Variants in NCKAP5 observed in about 807,000 individuals in gnomAD.
NCKAP5 encodes the protein nck-associated protein 5.
Under a neutral mutation model 167.0 loss-of-function variants are expected in NCKAP5, and 92 were observed. That is an observed-to-expected ratio of 0.55 (90% confidence interval 0.47 to 0.66). The LOEUF (loss-of-function observed/expected upper bound fraction) is 0.66, where lower values mean the gene tolerates loss of function less well. NCKAP5 is among the 30% of genes least tolerant of loss of function. The pLI is 0.00. For synonymous variants in NCKAP5, 891 were observed against 877.4 expected (o/e 1.02, Z -0.27); for missense variants, 2,378 against 2,315.0 (o/e 1.03, Z -0.56).
chr2:132,716,078 A>C (rs1689344683), intron 19 of NCKAP5, among the ~76,000 whole-genome samples: 1 of 152,120 alleles, frequency 6.6e-6, no homozygotes, highest in African/African-American at 2.4e-5. Context: ...TCCCTCTCTG[A>C]GCTGTGACAA....
chr2:133,022,952 G>T (rs1281766752), intron 6 of NCKAP5, among the ~76,000 whole-genome samples: 1 of 152,194 alleles, frequency 6.6e-6, no homozygotes, highest in South Asian at 2.1e-4. Context: ...GGCCCATGTG[G>T]CATTGAACTA....
intron 16 of NCKAP5, among the ~76,000 whole-genome samples, chr2:132,769,487 C>A (rs67540832): frequency 2.0e-5 from 3 of 151,798 alleles, no homozygotes; most frequent in African/African-American, 7.3e-5. Context: ...TTAGGTTAGA[C>A]AACATGAAGA....
chr2:132,784,148 G>C lies in NCKAP5; in HGVS notation c.2663C>G (p.Pro888Arg), dbSNP rs754193473. Residue 888 changes from proline to arginine, a missense_variant, in exon 14 of 20, where the codon CCC becomes CGC. Coordinates refer to ENST00000409261, the MANE Select transcript of NCKAP5 (RefSeq NM_207363.3). ...MPSRRDWVQC[P>R]KSQTPGSRSR... ...CCGTGACCCTGGAGTCTGACTCTTG[G>C]GGCACTGGACCCAGTCCCTCCTGCT... The C allele has an allele frequency of 2.0e-6, 3 of 1,526,794 alleles. No individual in the cohort carries two copies. 94.6% of individuals were successfully genotyped at this position (1,526,794 alleles called of 1,614,324 possible). A position where few individuals can be genotyped will look rare whatever the true frequency, so the allele number is the denominator to read the frequency against.
At chr2:133,030,383 A>C (rs978628599) in intron 6 of NCKAP5, among the ~76,000 whole-genome samples, 1 of 152,180 alleles carries the variant, frequency 6.6e-6, no homozygotes, top group Admixed American at 6.5e-5. Flanking sequence ...GTTTGTCTCT[A>C]TCTGACCACG....
At chr2:133,394,422 G>T (rs1378623774) in intron 3 of NCKAP5, among the ~76,000 whole-genome samples, 1 of 152,168 alleles carries the variant, frequency 6.6e-6, no homozygotes, top group East Asian at 1.9e-4. Context: ...AGCTAAGAAT[G>T]GAGGCACATC....
At chr2:133,026,589 G>A (rs1163082312) in intron 6 of NCKAP5, among the ~76,000 whole-genome samples, 1 of 152,174 alleles carries the variant, frequency 6.6e-6, no homozygotes, top group Admixed American at 6.5e-5. Context: ...GAAAAGATGT[G>A]ACCTTCATTT....
intron 6 of NCKAP5, among the ~76,000 whole-genome samples, chr2:133,055,223 A>G (rs995292471): frequency 1.3e-5 from 2 of 152,170 alleles, no homozygotes; most frequent in South Asian, 2.1e-4. Flanking sequence ...TCAGCCAAAA[A>G]GGAAATCTGA....
At chr2:132,712,433 T>C (rs191365103) in intron 19 of NCKAP5, among the ~76,000 whole-genome samples, 1,738 of 152,176 alleles carry the variant, frequency 0.011, 11 homozygotes, top group Non-Finnish European at 0.017. Flanking sequence ...GGGCGGATCA[T>C]GAGGTCAGGA....
At chr2:132,974,571 A>T (rs2076922910) in intron 7 of NCKAP5, among the ~76,000 whole-genome samples, 1 of 152,198 alleles carries the variant, frequency 6.6e-6, no homozygotes. Flanking sequence ...GCCAGAATTT[A>T]AATACAGTTC....
At chr2:133,474,776 T>A (rs1352071130) in intron 3 of NCKAP5, among the ~76,000 whole-genome samples, 1 of 151,406 alleles carries the variant, frequency 6.6e-6, no homozygotes, top group African/African-American at 2.4e-5. Context: ...TTTGGAATTT[T>A]TCAATAGAAG....
At chr2:132,799,740 A>T (rs1257122348) in intron 11 of NCKAP5, among the ~76,000 whole-genome samples, 2 of 152,196 alleles carry the variant, frequency 1.3e-5, no homozygotes, top group Non-Finnish European at 2.9e-5. Context: ...TTTTAAAAAA[A>T]TAATTTAAAC....
In NCKAP5 at chr2:133,014,152, T is replaced by C. The variant is rs767360679; in HGVS notation, c.342-19913A>G. Among the ~76,000 whole-genome samples the C allele has an allele frequency of 7.2e-4, 110 of 152,210 alleles. 1 individual carries two copies. Among genetic ancestry groups the C allele is most frequent in the Non-Finnish European group, 1.5e-4 (10 of 68,036 alleles). On this transcript the variant is annotated intron_variant, in intron 6 of 19. Coordinates refer to ENST00000409261, the MANE Select transcript of NCKAP5 (RefSeq NM_207363.3). ...TGAAAACCTTCCATGGACCCATCCT[T>C]ACTGTCCGCAAGACAAAGACTGAAC...
intron 7 of NCKAP5, among the ~76,000 whole-genome samples, chr2:132,993,938 C>T (rs2077517599): frequency 6.6e-6 from 1 of 150,516 alleles, no homozygotes; most frequent in Non-Finnish European, 1.5e-5. Flanking sequence ...CTTCTAGAAT[C>T]AAATCTACAC....
At chr2:132,780,402 A>G (rs202046639) in intron 15 of NCKAP5, among the ~76,000 whole-genome samples, 2 of 152,144 alleles carry the variant, frequency 1.3e-5, no homozygotes, top group East Asian at 1.9e-4. Context: ...CGCCCGCCTC[A>G]GCCTCCCAAA....
At chr2:132,878,321 C>T (rs1007236930) in intron 9 of NCKAP5, among the ~76,000 whole-genome samples, 1 of 152,184 alleles carries the variant, frequency 6.6e-6, no homozygotes. Context: ...TTTTCTTCCT[C>T]ATTTCTCTTT....
intron 6 of NCKAP5, among the ~76,000 whole-genome samples, chr2:133,092,880 G>C (rs1413549878): frequency 6.6e-6 from 1 of 152,168 alleles, no homozygotes. Context: ...GAGGAATATA[G>C]GGGTTCAATT....
At chr2:133,144,333 A>G (rs1326626955) in intron 5 of NCKAP5, among the ~76,000 whole-genome samples, 2 of 152,080 alleles carry the variant, frequency 1.3e-5, no homozygotes, top group African/African-American at 4.8e-5. Context: ...CAAAAAAACT[A>G]TTACAAAAAT....
chr2:133,616,451 A>C, the NCKAP5 span, among the ~76,000 whole-genome samples: 1 of 151,708 alleles, frequency 6.6e-6, no homozygotes, highest in Non-Finnish European at 1.5e-5. Flanking sequence ...TAGATGCAAT[A>C]AAAAATGATA....
At chr2:132,877,979 A>G (rs896996543) in intron 9 of NCKAP5, among the ~76,000 whole-genome samples, 1 of 152,208 alleles carries the variant, frequency 6.6e-6, no homozygotes, top group African/African-American at 2.4e-5. Flanking sequence ...AGACCACAAT[A>G]AAGTTTTAAG....
Sources: allele counts gnomAD v4.1 joint callset (sites outside exome capture counted in the v4.1 genomes callset), GRCh38; gene constraint gnomAD v4.1.1; transcripts MANE v1.5; gene names NCBI Gene and HGNC (gene_info 2026-07-23, HGNC 2026-07-21).